The following PGBD5 variants were observed in gnomAD, a reference collection of about 807,000 sequenced individuals.
The protein encoded by PGBD5 is piggyBac transposable element derived 5.
A neutral mutation model predicts 47.9 loss-of-function variants in PGBD5; 14 were observed. The ratio of observed to expected loss-of-function variants is 0.29; its 90% CI spans 0.19 to 0.46. The LOEUF (loss-of-function observed/expected upper bound fraction) is 0.46. PGBD5 is among the 20% of genes least tolerant of loss of function. The pLI is 1.00. For missense variants in PGBD5, 635 were observed against 716.0 expected (o/e 0.89, Z 1.29); for synonymous variants, 316 against 306.3 (o/e 1.03, Z -0.33).
chr1:230,417,795 T>C (rs949528849), intron 1 of PGBD5, among the ~76,000 whole-genome samples: 1 of 152,198 alleles, frequency 6.6e-6, no homozygotes, highest in Non-Finnish European at 1.5e-5. Flanking sequence ...GTCTCTCCTA[T>C]TGAACCCCAG....
At chr1:230,422,143 TCTC>T (rs1388857387) in intron 1 of PGBD5, among the ~76,000 whole-genome samples, 1 of 151,904 alleles carries the variant, frequency 6.6e-6, no homozygotes, top group East Asian at 1.9e-4. Flanking sequence ...CCTCTCTCTC[TCTC>T]TTCTATGAAG....
intron 1 of PGBD5, among the ~76,000 whole-genome samples, chr1:230,410,847 C>T (rs186194705): frequency 7.2e-5 from 11 of 152,054 alleles, no homozygotes; most frequent in Admixed American, 2.0e-4. Context: ...AAAAAGGACA[C>T]GTAAGCCCAA....
chr1:230,374,223 C>T (rs1300750497), intron 1 of PGBD5, among the ~76,000 whole-genome samples: 2 of 152,062 alleles, frequency 1.3e-5, no homozygotes, highest in African/African-American at 2.4e-5. Context: ...TTGAGACCAG[C>T]CTGACCAACA....
intron 1 of PGBD5, among the ~76,000 whole-genome samples, chr1:230,386,318 TA>T (rs71846381): frequency 0.37 from 53,615 of 145,182 alleles, 9,764 homozygotes; most frequent in Non-Finnish European, 0.43. Context: ...AACCCTATCT[TA>T]AAAAAAAAAA....
intron 1 of PGBD5, among the ~76,000 whole-genome samples, chr1:230,394,963 C>CCT (rs1656892364): frequency 7.3e-6 from 1 of 137,530 alleles, no homozygotes; most frequent in African/African-American, 2.8e-5. Flanking sequence ...TCCCCAAGCT[C>CCT]CTCTCGTTCC....
At chr1:230,377,903 C>T (rs1210187558) in intron 1 of PGBD5, among the ~76,000 whole-genome samples, 1 of 152,110 alleles carries the variant, frequency 6.6e-6, no homozygotes, top group Non-Finnish European at 1.5e-5. Flanking sequence ...ACCAGTGAGG[C>T]CAAATAAGAA....
At chr1:230,377,735 GAATAA>G in intron 1 of PGBD5, 1 of 1,411,326 alleles carries the variant, frequency 7.1e-7, no homozygotes, top group Non-Finnish European at 9.3e-7. Flanking sequence ...GTCATTGTGA[GAATAA>G]AATGAAATAC....
chr1:230,344,500 C>A (rs575405641), intron 3 of PGBD5, among the ~76,000 whole-genome samples: 1 of 152,212 alleles, frequency 6.6e-6, no homozygotes, highest in Non-Finnish European at 1.5e-5. Flanking sequence ...AGAGCCTGGC[C>A]CACAACACAC....
At chr1:230,419,625 T>C (rs1457793585) in intron 1 of PGBD5, among the ~76,000 whole-genome samples, 2 of 152,186 alleles carry the variant, frequency 1.3e-5, no homozygotes, top group Non-Finnish European at 2.9e-5. Context: ...TTACTCTTAC[T>C]GGTGGGCATC....
intron 1 of PGBD5, among the ~76,000 whole-genome samples, chr1:230,406,639 T>A (rs1657303211): frequency 6.6e-6 from 1 of 152,224 alleles, no homozygotes; most frequent in Non-Finnish European, 1.5e-5. Flanking sequence ...AATTATTTCA[T>A]ATATTAGCTT....
chr1:230,379,867 C>T (rs1305629724), intron 1 of PGBD5, among the ~76,000 whole-genome samples: 1 of 152,220 alleles, frequency 6.6e-6, no homozygotes, highest in African/African-American at 2.4e-5. Flanking sequence ...TATCATCATC[C>T]CCATTTTACA....
At chr1:230,330,280 G>T (rs1160814525) in intron 5 of PGBD5, among the ~76,000 whole-genome samples, 1 of 152,198 alleles carries the variant, frequency 6.6e-6, no homozygotes, top group African/African-American at 2.4e-5. Flanking sequence ...CGCTGCGATG[G>T]TAGAGAAGTA....
Position 230,314,605 on chromosome 1 carries a change from T to G in PGBD5, c.*8820A>C. On this transcript the variant is annotated 3_prime_UTR_variant, in exon 7 of 7. Coordinates refer to ENST00000391860, the MANE Select transcript of PGBD5 (RefSeq NM_001258311.2). ...TCTTTTTTTTTTTTTTTTTTTTTTT[T>G]GCCACATTTCACATTTGAGAACCCA... 1.7e-5 allele frequency: 1 copy of G among 59,452 alleles called. No individual in the cohort carries two copies. Among genetic ancestry groups the G allele is most frequent in the Non-Finnish European group, 3.8e-5 (1 of 26,544 alleles). The allele number at this position is 59,452 out of a possible 1,614,324, so 3.7% of individuals were successfully genotyped here. A position where few individuals can be genotyped will look rare whatever the true frequency, so the allele number is the denominator to read the frequency against.
intron 3 of PGBD5, among the ~76,000 whole-genome samples, chr1:230,342,931 A>G (rs1467127756): frequency 6.6e-6 from 1 of 152,222 alleles, no homozygotes; most frequent in Non-Finnish European, 1.5e-5. Flanking sequence ...AATAGTCAAC[A>G]GTCACATGAG....
intron 1 of PGBD5, among the ~76,000 whole-genome samples, chr1:230,374,538 C>T (rs926644057): frequency 2.6e-5 from 4 of 151,044 alleles, no homozygotes; most frequent in Non-Finnish European, 4.4e-5. Context: ...GAATCTAAAG[C>T]TAAGCATCAG....
rs1179010932 is a variant in PGBD5 at position 230,385,413 on chromosome 1, C to T, written c.332-28092G>A. Among the ~76,000 whole-genome samples the T allele has an allele frequency of 5.3e-5, 8 of 152,280 alleles. No individual in the cohort carries two copies. In the East Asian group the frequency reaches 1.5e-3, roughly 29 times the overall value. On this transcript the variant is annotated intron_variant, in intron 1 of 6. Transcript: ENST00000391860. The stretch of plus-strand genomic sequence containing the variant: ...GAAATAAGTCCTTAAAGTATTTCCA[C>T]CTCCCTTCCTAATGCAGAAAGGTTT...
chr1:230,386,912 C>T (rs1656655661), intron 1 of PGBD5, among the ~76,000 whole-genome samples: 1 of 152,178 alleles, frequency 6.6e-6, no homozygotes, highest in Non-Finnish European at 1.5e-5. Context: ...TATGGCATCA[C>T]TATCTTCCTT....
At chr1:230,341,629 T>A (rs1667408903) in intron 3 of PGBD5, among the ~76,000 whole-genome samples, 1 of 152,200 alleles carries the variant, frequency 6.6e-6, no homozygotes, top group Non-Finnish European at 1.5e-5. Context: ...ACCATTCACT[T>A]AGATGTGTGA....
intron 2 of PGBD5, among the ~76,000 whole-genome samples, chr1:230,356,589 A>G (rs1278643967): frequency 6.6e-6 from 1 of 152,200 alleles, no homozygotes; most frequent in Non-Finnish European, 1.5e-5. Context: ...GCCTGAGCAA[A>G]ACACCATTTG....
Sources: gnomAD v4.1 joint callset for allele counts (sites outside exome capture counted in the v4.1 genomes callset) on GRCh38, gnomAD v4.1.1 for gene constraint, MANE v1.5 for transcripts, NCBI Gene and HGNC (gene_info 2026-07-23, HGNC 2026-07-21) for gene names.